Variants in EXOSC2 observed in about 807,000 individuals in gnomAD.
The protein encoded by EXOSC2 is exosome component 2, also known as exosome complex component RRP4.
In EXOSC2, 29 loss-of-function variants were observed where a neutral mutation model predicts 37.6. The observed-to-expected ratio is 0.77, with a 90% CI of 0.57 to 1.05. The LOEUF (loss-of-function observed/expected upper bound fraction) is 1.05. Ranked by LOEUF, EXOSC2 falls within the 50% of genes least tolerant of loss-of-function variation. EXOSC2 has a pLI of 0.00. For missense variants in EXOSC2, 346 were observed against 365.6 expected (o/e 0.95, Z 0.44); for synonymous variants, 119 against 131.1 (o/e 0.91, Z 0.63).
At chr9:130,700,025 A>T (rs116558994) in intron 5 of EXOSC2, among the ~76,000 whole-genome samples, 1 of 152,002 alleles carries the variant, frequency 6.6e-6, no homozygotes, top group South Asian at 2.1e-4. Context: ...GTTATTTTTT[A>T]AATTTTTCTT....
intron 1 of EXOSC2, among the ~76,000 whole-genome samples, chr9:130,695,050 T>G (rs1022110232): frequency 1.1e-4 from 17 of 152,170 alleles, no homozygotes; most frequent in African/African-American, 4.1e-4. Flanking sequence ...CATTAATGCT[T>G]TCAACATATA....
chr9:130,700,699 A>G, intron 5 of EXOSC2, 168 bp from the exon 6 acceptor site: 4 of 576,270 alleles, frequency 6.9e-6, no homozygotes, highest in Non-Finnish European at 1.2e-5. Flanking sequence ...CATGACAACC[A>G]AGGGGAGAGG....
chr9:130,704,266 A>T lies in EXOSC2; in HGVS notation c.*492A>T, dbSNP rs1831279239. ...CCAAGCAGGCCAGGCACGGTGGCTC[A>T]CGCCTATAATCCCAGCACTTAGGGA... On this transcript the variant is annotated 3_prime_UTR_variant, in exon 9 of 9. Transcript: ENST00000372358. 6.6e-6 allele frequency: 1 copy of T among 152,578 alleles called. No homozygotes were observed. Among genetic ancestry groups the T allele is most frequent in the African/African-American group, 2.4e-5 (1 of 41,462 alleles). 9.5% of individuals were successfully genotyped at this position (152,578 alleles called of 1,614,324 possible). A position where few individuals can be genotyped will look rare whatever the true frequency, so the allele number is the denominator to read the frequency against.
rs1430946080 is a variant in EXOSC2, at chr9:130,700,904, CTT to C, written c.466_467del (p.Leu156AlafsTer32). The stretch of plus-strand genomic sequence containing the variant: ...GCAGTGTTCTCTGACGGAGCTGTCT[CTT>C]TGCACACGAGGAGCCTGAAATATGG... On this transcript the variant is annotated frameshift_variant, in exon 6 of 9. Transcript: ENST00000372358. LOFTEE classifies it high-confidence loss of function. The C allele has an allele frequency of 4.3e-6, 7 of 1,613,978 alleles. No individual in the cohort carries two copies. The highest frequency in any genetic ancestry group is 1.1e-5 in the South Asian group (1 of 91,088).
chr9:130,696,293 G>C (rs150647392), intron 2 of EXOSC2, among the ~76,000 whole-genome samples: 127 of 152,344 alleles, frequency 8.3e-4, no homozygotes, highest in Non-Finnish European at 1.6e-3. Flanking sequence ...AGTGAGTGAG[G>C]GGGAGAGAAG....
chr9:130,702,604 T>A (rs1831242685), intron 7 of EXOSC2, among the ~76,000 whole-genome samples: 1 of 152,084 alleles, frequency 6.6e-6, no homozygotes, highest in African/African-American at 2.4e-5. Context: ...TTTTGTTTTG[T>A]TTTGTTTTGA....
rs117012336 is a variant in EXOSC2, at chr9:130,700,869, T to C, written c.429T>C (p.Ala143=). The C allele has an allele frequency of 2.9e-3, 4,665 of 1,614,020 alleles. 181 individuals are homozygous for C. The East Asian group carries it at 0.081, about 28-fold the overall frequency. ...TGTTCCTTCATCACCCTGGCCAGGC[T>C]GAGGTCCAGGCAGTGTTCTCTGACG... ...GFLQEGDLIS[A]EVQAVFSDGA... is the part of the protein sequence containing the mutation. The change falls in exon 6 of 9, where the codon GCT becomes GCC. Residue 143 remains alanine (A), a splice_region_variant and synonymous_variant. Transcript: ENST00000372358.
At chr9:130,703,310 T>A (rs1831259731) in intron 8 of EXOSC2, 129 bp downstream of exon 8, 1 of 1,032,314 alleles carries the variant, frequency 9.7e-7, no homozygotes, top group African/African-American at 1.6e-5. Flanking sequence ...TGAAACAGCC[T>A]TAATGAGTGT....
chr9:130,699,396 T>C lies in EXOSC2; in HGVS notation c.426+2T>C. On this transcript the variant is annotated splice_donor_variant, in intron 5 of 8. Coordinates refer to ENST00000372358, the MANE Select transcript of EXOSC2 (RefSeq NM_014285.7). LOFTEE classifies it high-confidence loss of function. ...TTACAGGAAGGGGACCTTATCAGTG[T>C]ATCCTGCGCTTTGCACTCCAGCCTC... 2 of 1,614,128 alleles carry C rather than the reference T, an allele frequency of 1.2e-6. No homozygotes were observed. The highest frequency in any genetic ancestry group is 1.7e-6 in the Non-Finnish European group (2 of 1,179,950).
intron 5 of EXOSC2, 34 bp downstream of exon 5, chr9:130,699,428 C>T (rs1482724874): frequency 6.2e-7 from 1 of 1,601,074 alleles, no homozygotes; most frequent in Non-Finnish European, 8.6e-7. Flanking sequence ...CCTCTTGATG[C>T]TTTTCTGTGG....
At chr9:130,699,495 G>C (rs964768496) in intron 5 of EXOSC2, 101 bp downstream of exon 5, 2 of 1,186,182 alleles carry the variant, frequency 1.7e-6, no homozygotes, top group Non-Finnish European at 2.5e-6. Flanking sequence ...TGTCATCCTT[G>C]CAGGGATCCG....
rs767528539 is a variant in EXOSC2 at position 130,699,281 on chromosome 9, C to A, written c.361-48C>A. On this transcript the variant is annotated intron_variant, in intron 4 of 8. Transcript: ENST00000372358. Reference sequence around the variant, plus strand: ...GAAGTGAAAGAGAAGTGATGGAGACCTTTCTGAGGATCTGGCTTAAGTAAT... The same window carrying A: ...GAAGTGAAAGAGAAGTGATGGAGACATTTCTGAGGATCTGGCTTAAGTAAT... 13 of 1,586,420 alleles carry A rather than the reference C, an allele frequency of 8.2e-6. No homozygotes were observed. The African/African-American group carries it at 1.5e-4, about 18-fold the overall frequency.
rs532912873 is a variant in EXOSC2, at chr9:130,704,034, T to A, written c.*260T>A. The A allele has an allele frequency of 2.1e-4, 65 of 310,900 alleles. No homozygotes were observed. The highest frequency in any genetic ancestry group is 3.4e-4 in the Non-Finnish European group (57 of 169,252). 19.3% of individuals were successfully genotyped at this position (310,900 alleles called of 1,614,324 possible). A position where few individuals can be genotyped will look rare whatever the true frequency, so the allele number is the denominator to read the frequency against. ...TTCAGCTCTTTCAAAGTGCACAGTG[T>A]TACAGTCGAATGGGCTCCCATCCTG... On this transcript the variant is annotated 3_prime_UTR_variant, in exon 9 of 9. Coordinates refer to ENST00000372358, the MANE Select transcript of EXOSC2 (RefSeq NM_014285.7).
chr9:130,695,490 A>G lies in EXOSC2; in HGVS notation c.123-2A>G. The stretch of plus-strand genomic sequence containing the variant: ...TTTCTTTGTATCTTCGCCTTGCATC[A>G]GGGGCCATGGAACGTATATGGGAGA... On this transcript the variant is annotated splice_acceptor_variant, in intron 1 of 8. Coordinates refer to ENST00000372358, the MANE Select transcript of EXOSC2 (RefSeq NM_014285.7). LOFTEE classifies it high-confidence loss of function. 1 of 1,613,126 alleles carries G rather than the reference A, an allele frequency of 6.2e-7. No individual in the cohort carries two copies. The highest frequency in any genetic ancestry group is 8.5e-7 in the Non-Finnish European group (1 of 1,179,070).
chr9:130,703,250 T>A, intron 8 of EXOSC2, 69 bp downstream of exon 8: 1 of 1,526,568 alleles, frequency 6.6e-7, no homozygotes, highest in Non-Finnish European at 8.9e-7. Context: ...TCAGAGACAA[T>A]ATGCACATCT....
At chr9:130,697,928 G>A (rs2132632321) in intron 3 of EXOSC2, 1 of 545,672 alleles carries the variant, frequency 1.8e-6, no homozygotes, top group Non-Finnish European at 3.3e-6. Context: ...CAAGTAGCTG[G>A]GATTACAGGC....
At chr9:130,701,478 T>C (rs1831214511) in intron 6 of EXOSC2, 1 of 415,104 alleles carries the variant, frequency 2.4e-6, no homozygotes, top group Non-Finnish European at 3.2e-6. Context: ...TAGGATTTAC[T>C]AGTCTCTTAG....
Position 130,703,750 on chromosome 9 carries a change from G to C in EXOSC2, c.858G>C (p.Gln286His). ...AGGAGATTGTGATGGAAACACGCCA[G>C]AGGCTTTTGGAACAGGAGGGATAAG... is the stretch of plus-strand genomic sequence containing the variant. Reference protein sequence around the residue: ...IMEEIVMETRQRLLEQEG With the variant: ...IMEEIVMETRHRLLEQEG The change falls in exon 9 of 9, where the codon CAG becomes CAC. Residue 286 changes from glutamine (Q) to histidine (H), a missense_variant. Coordinates refer to ENST00000372358, the MANE Select transcript of EXOSC2 (RefSeq NM_014285.7). 6 of 1,613,896 alleles carry C rather than the reference G, an allele frequency of 3.7e-6. No homozygotes were observed. Among genetic ancestry groups the C allele is most frequent in the Non-Finnish European group, 5.1e-6 (6 of 1,179,870 alleles).
Position 130,702,193 on chromosome 9 carries a change from C to G in EXOSC2, c.555C>G (p.His185Gln). ...CCCTGGTGAAACGGCAGAAGACCCA[C>G]TTTCATGATTTGCCATGTGGTGCCT... ...SPSLVKRQKT[H>Q]FHDLPCGASV... Residue 185 changes from histidine (H) to glutamine (Q), a missense_variant, in exon 7 of 9, where the codon CAC becomes CAG. His to Gln is a conservative substitution (Grantham distance 24). Coordinates refer to ENST00000372358, the MANE Select transcript of EXOSC2 (RefSeq NM_014285.7). The G allele has an allele frequency of 6.2e-7, 1 of 1,614,186 alleles. No homozygotes were observed. The highest frequency in any genetic ancestry group is 1.3e-5 in the African/African-American group (1 of 75,030).
Sources: gnomAD v4.1 joint callset for allele counts (sites outside exome capture counted in the v4.1 genomes callset) on GRCh38, gnomAD v4.1.1 for gene constraint, MANE v1.5 for transcripts, NCBI Gene and HGNC (gene_info 2026-07-23, HGNC 2026-07-21) for gene names.